The following EXOC6 variants were observed in gnomAD, a reference collection of about 807,000 sequenced individuals.
The protein encoded by EXOC6 is SEC15-like 1.
In EXOC6, 60 loss-of-function variants were observed where a neutral mutation model predicts 112.5. The observed-to-expected ratio is 0.53, with a 90% confidence interval of 0.43 to 0.66. EXOC6 has a LOEUF of 0.66. Among genes scored for constraint, EXOC6 ranks in the 30% least tolerant of loss-of-function variants. The pLI, the probability that EXOC6 is intolerant of heterozygous loss-of-function variation, is 0.00. For synonymous variants in EXOC6, 295 were observed against 308.0 expected, an observed-to-expected ratio of 0.96 and a Z score of 0.44; for missense variants, 855 against 957.1, an observed-to-expected ratio of 0.89 and a Z score of 1.41.
At chr10:92,904,627 T>C (rs1850347685) in intron 5 of EXOC6, among the ~76,000 whole-genome samples, 1 of 152,102 alleles carries the variant, frequency 6.6e-6, no homozygotes, top group Non-Finnish European at 1.5e-5. Context: ...TTTAATTTGG[T>C]GGCTTATTTT....
At chr10:92,951,993 T>C (rs1200054781) in intron 14 of EXOC6, among the ~76,000 whole-genome samples, 2 of 152,136 alleles carry the variant, frequency 1.3e-5, no homozygotes, top group Non-Finnish European at 2.9e-5. Flanking sequence ...AGAATACTCA[T>C]CACCAGAATA....
At chr10:92,860,695 A>C (rs1253728624) in intron 1 of EXOC6, among the ~76,000 whole-genome samples, 1 of 152,196 alleles carries the variant, frequency 6.6e-6, no homozygotes, top group Non-Finnish European at 1.5e-5. Context: ...GATACCTAAT[A>C]TAAGTGGAAT....
Position 92,966,281 on chromosome 10 carries a change from AATTATTATT to A in EXOC6, c.1774-7751_1774-7743del, listed in dbSNP as rs35262709. On this transcript the variant is annotated intron_variant, in intron 17 of 21. Coordinates refer to ENST00000260762, the MANE Select transcript of EXOC6 (RefSeq NM_019053.6). ...CGTGGTCTAGAAAGCATGTAATTAT[AATTATTATT>A]ATTATTATTATTATTATTATACTTT... Among the ~76,000 whole-genome samples, 419 of 134,936 alleles carry A rather than the reference AATTATTATT, an allele frequency of 3.1e-3. 4 individuals carry two copies. Among genetic ancestry groups the A allele is most frequent in the Non-Finnish European group, 5.1e-3 (332 of 64,882 alleles). The allele number at this position is 134,936 out of a possible 152,430, so 88.5% of individuals were successfully genotyped here.
chr10:92,999,864 G>A (rs540238280), intron 19 of EXOC6, among the ~76,000 whole-genome samples: 29 of 151,790 alleles, frequency 1.9e-4, no homozygotes, highest in Non-Finnish European at 3.8e-4. Flanking sequence ...CACCAGGCCC[G>A]GCTAATTTTT....
At chr10:92,931,765 T>C (rs116698922) in intron 9 of EXOC6, among the ~76,000 whole-genome samples, 1,621 of 152,096 alleles carry the variant, frequency 0.011, 32 homozygotes, top group African/African-American at 0.037. Context: ...CTAGAATGAC[T>C]AAAATTGAAA....
rs1290213191 is a variant in EXOC6 at position 93,013,489 on chromosome 10, TC to T, written c.2096-702del. ...CGGCCGTGGCGGCATGCGCCTGTAG[TC>T]CCAGCTACTCGGGAGGCTGAGATAG... On this transcript the variant is annotated intron_variant, in intron 19 of 21. Transcript: ENST00000260762. Among the ~76,000 whole-genome samples, 8 of 152,120 alleles carry T rather than the reference TC, an allele frequency of 5.3e-5. No individual in the cohort carries two copies. In the East Asian group the frequency reaches 7.7e-4, roughly 15 times the overall value.
chr10:93,017,401 C>G (rs191323256), intron 20 of EXOC6, among the ~76,000 whole-genome samples: 1 of 149,184 alleles, frequency 6.7e-6, no homozygotes, highest in South Asian at 2.2e-4. Flanking sequence ...CCATCCTGGC[C>G]AACACGGTGA....
intron 20 of EXOC6, among the ~76,000 whole-genome samples, chr10:93,036,926 T>C (rs835275): frequency 0.13 from 19,706 of 152,182 alleles, 1,426 homozygotes; most frequent in African/African-American, 0.18. Flanking sequence ...TGTTTTCAAT[T>C]ATCAATATTC....
At chr10:92,959,053 C>T (rs1364380540) in intron 17 of EXOC6, among the ~76,000 whole-genome samples, 1 of 152,084 alleles carries the variant, frequency 6.6e-6, no homozygotes, top group African/African-American at 2.4e-5. Flanking sequence ...GAGATCATAC[C>T]ACTGCACTCC....
intron 8 of EXOC6, among the ~76,000 whole-genome samples, chr10:92,922,917 A>G (rs1004864803): frequency 3.3e-5 from 5 of 152,134 alleles, no homozygotes; most frequent in Non-Finnish European, 5.9e-5. Context: ...TGGGCTAGAA[A>G]CTTTAGGGAA....
At chr10:93,019,823 C>T (rs56699273) in intron 20 of EXOC6, among the ~76,000 whole-genome samples, 5,401 of 152,152 alleles carry the variant, frequency 0.035, 180 homozygotes, top group East Asian at 0.13. Flanking sequence ...CAGTTCATAC[C>T]GATATTAGAG....
At chr10:92,925,168 A>G (rs1851645767) in intron 8 of EXOC6, among the ~76,000 whole-genome samples, 1 of 152,186 alleles carries the variant, frequency 6.6e-6, no homozygotes, top group African/African-American at 2.4e-5. Context: ...ACATTGCATT[A>G]TTGTAAATTA....
At chr10:93,051,430 A>G (rs992243494) in intron 20 of EXOC6, among the ~76,000 whole-genome samples, 5 of 152,264 alleles carry the variant, frequency 3.3e-5, no homozygotes, top group Non-Finnish European at 7.3e-5. Context: ...CATCAGATCC[A>G]GAAGGTAGCA....
intron 12 of EXOC6, among the ~76,000 whole-genome samples, chr10:92,937,689 T>C (rs1852426811): frequency 6.6e-6 from 1 of 152,192 alleles, no homozygotes. Flanking sequence ...AGAAAACTTT[T>C]GGGAAGTTTT....
intron 17 of EXOC6, among the ~76,000 whole-genome samples, chr10:92,968,287 C>T (rs540955389): frequency 1.3e-5 from 2 of 151,368 alleles, no homozygotes; most frequent in Non-Finnish European, 2.9e-5. Context: ...TGAGCTCAAG[C>T]GATCCTCCCA....
chr10:93,037,952 A>G (rs985897272), intron 20 of EXOC6, among the ~76,000 whole-genome samples: 2 of 147,566 alleles, frequency 1.4e-5, no homozygotes, highest in African/African-American at 5.0e-5. Context: ...AGGCAGGAGA[A>G]TGGCGTGAAC....
intron 20 of EXOC6, among the ~76,000 whole-genome samples, chr10:93,014,498 G>C (rs562861023): frequency 1.3e-5 from 2 of 152,204 alleles, no homozygotes; most frequent in Admixed American, 1.3e-4. Flanking sequence ...TTATTTAATA[G>C]TCATTACCTG....
At chr10:93,037,638 C>A (rs1277293313) in intron 20 of EXOC6, among the ~76,000 whole-genome samples, 2 of 151,934 alleles carry the variant, frequency 1.3e-5, no homozygotes, top group Non-Finnish European at 2.9e-5. Flanking sequence ...CAGGGTTTCG[C>A]CATTTTGGCC....
At chr10:92,867,732 A>G (rs1289630110) in intron 1 of EXOC6, among the ~76,000 whole-genome samples, 2 of 152,232 alleles carry the variant, frequency 1.3e-5, no homozygotes, top group Non-Finnish European at 2.9e-5. Context: ...AGGCAATGGC[A>G]AAAAACAATA....
Sources: allele counts gnomAD v4.1 joint callset (sites outside exome capture counted in the v4.1 genomes callset), GRCh38; gene constraint gnomAD v4.1.1; transcripts MANE v1.5; gene names NCBI Gene and HGNC (gene_info 2026-07-23, HGNC 2026-07-21).